Variants in FBXO21 observed in about 807,000 individuals in gnomAD.
FBXO21 encodes F-box protein 21.
A neutral mutation model predicts 76.6 loss-of-function variants in FBXO21; 32 were observed. The observed-to-expected ratio is 0.42, with a 90% confidence interval of 0.32 to 0.56. The LOEUF (loss-of-function observed/expected upper bound fraction) is 0.56. Ranked by LOEUF, FBXO21 falls within the 20% of genes least tolerant of loss-of-function variation. The probability of loss-of-function intolerance (pLI) is 0.16; values close to 1 mark genes in which losing one functional copy is unlikely to be tolerated. For missense variants in FBXO21, 586 were observed against 797.3 expected (o/e 0.73, Z 3.19); for synonymous variants, 328 against 311.5 (o/e 1.05, Z -0.56).
At chr12:117,147,307 AG>A (rs562840275) in intron 11 of FBXO21, among the ~76,000 whole-genome samples, 18,199 of 96,450 alleles carry the variant, frequency 0.19, 1,542 homozygotes, top group Admixed American at 0.36. Context: ...AAAAAAAAAA[AG>A]AAAAAAAAAA....
chr12:117,166,584 T>G (rs1956056269), intron 8 of FBXO21, among the ~76,000 whole-genome samples: 1 of 152,234 alleles, frequency 6.6e-6, no homozygotes, highest in Non-Finnish European at 1.5e-5. Flanking sequence ...CTTTCTACTT[T>G]CCCTATATGA....
rs755395728 is a variant in FBXO21, at chr12:117,165,633, C to T, written c.1194-16G>A. On this transcript the variant is annotated splice_polypyrimidine_tract_variant and intron_variant, in intron 8 of 11. Coordinates refer to ENST00000622495, the MANE Select transcript of FBXO21 (RefSeq NM_015002.3). Reference sequence around the variant, plus strand: ...GATGCCTTCCCTAGCAGAGGAAAAACAATGTTTGTCTCATCCTGCTTGTTT... The same window carrying T: ...GATGCCTTCCCTAGCAGAGGAAAAATAATGTTTGTCTCATCCTGCTTGTTT... 2 of 1,584,478 alleles carry T rather than the reference C, an allele frequency of 1.3e-6. No individual in the cohort carries two copies. Among genetic ancestry groups the T allele is most frequent in the Non-Finnish European group, 1.7e-6 (2 of 1,161,478 alleles).
chr12:117,166,631 A>G (rs1005431905), intron 8 of FBXO21, among the ~76,000 whole-genome samples: 1 of 152,238 alleles, frequency 6.6e-6, no homozygotes, highest in African/African-American at 2.4e-5. Context: ...ACAGTTTCAT[A>G]TTTTTGTTTT....
chr12:117,181,596 ACAGT>A (rs1555242777), intron 3 of FBXO21, among the ~76,000 whole-genome samples: 1 of 60,990 alleles, frequency 1.6e-5, no homozygotes, highest in Non-Finnish European at 2.5e-5. Flanking sequence ...TCTATCTGAG[ACAGT>A]CTATCTATCT....
intron 10 of FBXO21, among the ~76,000 whole-genome samples, chr12:117,156,449 T>C (rs7298778): frequency 0.53 from 79,837 of 151,986 alleles, 21,136 homozygotes; most frequent in Admixed American, 0.63. Context: ...GGAACTCTCA[T>C]TAGATACTGC....
chr12:117,166,821 T>C (rs571837851), intron 8 of FBXO21, 77 bp downstream of exon 8: 2 of 1,296,170 alleles, frequency 1.5e-6, no homozygotes, highest in South Asian at 2.6e-5. Flanking sequence ...AAAAGTCACT[T>C]GGCACATCTC....
rs1955728212 is a variant in FBXO21 at position 117,142,645 on chromosome 12, T to C, written c.*3442A>G. The stretch of plus-strand genomic sequence containing the variant: ...TTGTCCCACATCCAAATTTTGCATT[T>C]TGTCCAGTTGATGTCTCTCCTTCCC... On this transcript the variant is annotated 3_prime_UTR_variant, in exon 12 of 12. Coordinates refer to ENST00000622495, the MANE Select transcript of FBXO21 (RefSeq NM_015002.3). The C allele has an allele frequency of 6.7e-6, 1 of 148,440 alleles. No homozygotes were observed. The highest frequency in any genetic ancestry group is 1.5e-5 in the Non-Finnish European group (1 of 67,600). The allele number at this position is 148,440 out of a possible 1,614,324, so 9.2% of individuals were successfully genotyped here.
At position 117,172,575 on chromosome 12, in the gene FBXO21, G is replaced by A. The variant is rs751593156; in HGVS notation, c.909C>T (p.Ser303=). The A allele has an allele frequency of 3.1e-5, 50 of 1,613,520 alleles. No homozygotes were observed. Among genetic ancestry groups the A allele is most frequent in the Non-Finnish European group, 4.2e-5 (50 of 1,179,614 alleles). ...CAATTGTCAAATAGAGCAGAGACAT[G>A]CTGATTGGGATTCCTGTTCTGCGAA... The part of the protein sequence containing the change: ...VLIRRTGIPI[S]MSLLYLTIAR... The change falls in exon 7 of 12, where the codon AGC becomes AGT. Residue 303 remains serine, a synonymous_variant. Coordinates refer to ENST00000622495, the MANE Select transcript of FBXO21 (RefSeq NM_015002.3).
Position 117,155,741 on chromosome 12 carries a change from C to T in FBXO21, c.1675+50G>A, listed in dbSNP as rs116529616. 1.6e-3 allele frequency: 2,585 copies of T among 1,570,614 alleles called. 26 individuals are homozygous for T. The African/African-American group carries it at 0.03, about 18-fold the overall frequency. ...ACCTACCCGAGGGCTCAAACGTGCG[C>T]TGAAAACACGCCCGCGGGGCCACTG... On this transcript the variant is annotated intron_variant, in intron 11 of 11. Coordinates refer to ENST00000622495, the MANE Select transcript of FBXO21 (RefSeq NM_015002.3).
chr12:117,186,530 T>A lies in FBXO21; in HGVS notation c.417A>T (p.Gly139=). The A allele has an allele frequency of 6.2e-7, 1 of 1,613,448 alleles. No individual in the cohort carries two copies. The highest frequency in any genetic ancestry group is 2.2e-5 in the East Asian group (1 of 44,840). The change falls in exon 3 of 12, where the codon GGA becomes GGT. Residue 139 remains glycine (G), a synonymous_variant. Transcript: ENST00000622495. Reference sequence around the variant, plus strand: ...GTTCATCCTCAAAAAAAATCTCTGGTCCTTCAAGGTTCTCAATGTCACTGA... The same window carrying A: ...GTTCATCCTCAAAAAAAATCTCTGGACCTTCAAGGTTCTCAATGTCACTGA... ...NGFSDIENLE[G]PEIFFEDELV...
chr12:117,146,329 A>G (rs1269914818), intron 11 of FBXO21, 52 bp from the exon 12 acceptor site: 7 of 1,474,426 alleles, frequency 4.7e-6, no homozygotes, highest in African/African-American at 2.8e-5. Flanking sequence ...CATTGCTGCC[A>G]CACCTTTCAT....
rs781226460 is a variant in FBXO21, at chr12:117,146,167, G to A, written c.1786C>T (p.Arg596Trp). ...HYIPNAELEIRYPEDLEFVYE... is the reference protein window; with the variant it reads ...HYIPNAELEIWYPEDLEFVYE... ...ACAAACTCCAGATCTTCTGGATACC[G>A]GATCTCCAGCTCTGCGTTTGGGATG... Residue 596 changes from arginine (R) to tryptophan (W), a missense_variant, in exon 12 of 12, where the codon CGG becomes TGG. Transcript: ENST00000622495. 1.2e-5 allele frequency: 20 copies of A among 1,613,816 alleles called. No homozygotes were observed. Among genetic ancestry groups the A allele is most frequent in the Non-Finnish European group, 1.6e-5 (19 of 1,179,906 alleles).
rs547327760 is a variant in FBXO21 at position 117,144,886 on chromosome 12, C to T, written c.*1201G>A. The T allele has an allele frequency of 5.3e-5, 8 of 152,272 alleles. No individual in the cohort carries two copies. The highest frequency in any genetic ancestry group is 1.9e-4 in the East Asian group (1 of 5,172). The allele number at this position is 152,272 out of a possible 1,614,324, so 9.4% of individuals were successfully genotyped here. A position where few individuals can be genotyped will look rare whatever the true frequency, so the allele number is the denominator to read the frequency against. Reference sequence around the variant, plus strand: ...GCCACAACAGGCTTCGTCCTGCTGCCGTCAGGACCCTGGCGGCTTGGAAAA... The same window carrying T: ...GCCACAACAGGCTTCGTCCTGCTGCTGTCAGGACCCTGGCGGCTTGGAAAA... On this transcript the variant is annotated 3_prime_UTR_variant, in exon 12 of 12. Transcript: ENST00000622495.
chr12:117,179,309 C>A (rs1043062654), intron 3 of FBXO21, among the ~76,000 whole-genome samples: 3 of 152,244 alleles, frequency 2.0e-5, no homozygotes, highest in African/African-American at 7.2e-5. Flanking sequence ...CCGGGGCCCC[C>A]CGCAACAATA....
At chr12:117,182,088 T>C (rs1300893562) in intron 3 of FBXO21, among the ~76,000 whole-genome samples, 1 of 152,256 alleles carries the variant, frequency 6.6e-6, no homozygotes, top group Non-Finnish European at 1.5e-5. Context: ...ACTTTTTCCT[T>C]CCCATGCTTT....
intron 7 of FBXO21, among the ~76,000 whole-genome samples, chr12:117,171,305 C>A (rs1441969900): frequency 6.9e-6 from 1 of 145,722 alleles, no homozygotes; most frequent in Non-Finnish European, 1.5e-5. Context: ...ATGCAGTAAG[C>A]CAAGATTGCG....
At position 117,143,322 on chromosome 12, in the gene FBXO21, A is replaced by T. The variant is rs1955734865; in HGVS notation, c.*2765T>A. The T allele has an allele frequency of 6.6e-6, 1 of 152,118 alleles. No homozygotes were observed. Among genetic ancestry groups the T allele is most frequent in the South Asian group, 2.1e-4 (1 of 4,820 alleles). The allele number at this position is 152,118 out of a possible 1,614,324, so 9.4% of individuals were successfully genotyped here. On this transcript the variant is annotated 3_prime_UTR_variant, in exon 12 of 12. Transcript: ENST00000622495. ...GTACTGTGCGTCACAGGTATTGAGA[A>T]ACACCACCATAGAGTCAATTGACTT...
chr12:117,170,771 C>T (rs1956109825), intron 7 of FBXO21, among the ~76,000 whole-genome samples: 1 of 152,090 alleles, frequency 6.6e-6, no homozygotes, highest in Non-Finnish European at 1.5e-5. Context: ...GTTATCGTGG[C>T]AAATGACATG....
At chr12:117,154,027 C>T (rs1412051521) in intron 11 of FBXO21, among the ~76,000 whole-genome samples, 1 of 152,200 alleles carries the variant, frequency 6.6e-6, no homozygotes, top group African/African-American at 2.4e-5. Flanking sequence ...AAGCCATAGA[C>T]ACTGGCCCAC....
Sources: allele counts gnomAD v4.1 joint callset (sites outside exome capture counted in the v4.1 genomes callset), GRCh38; gene constraint gnomAD v4.1.1; transcripts MANE v1.5; gene names NCBI Gene and HGNC (gene_info 2026-07-23, HGNC 2026-07-21).